Variants in LAMA5 observed in about 807,000 individuals in gnomAD.
LAMA5 encodes the protein laminin subunit alpha-5.
LAMA5 carries 260 observed loss-of-function variants against 433.4 expected under a neutral mutation model. That is an observed-to-expected ratio of 0.60 (90% confidence interval 0.54 to 0.66). The LOEUF (loss-of-function observed/expected upper bound fraction) is 0.66, where lower values mean the gene tolerates loss of function less well. Among genes scored for constraint, LAMA5 ranks in the 30% least tolerant of loss-of-function variants. The pLI, the probability that LAMA5 is intolerant of heterozygous loss-of-function variation, is 0.00. For missense variants in LAMA5, 5,378 were observed against 5,258.5 expected (o/e 1.02, Z -0.70); for synonymous variants, 2,620 against 2,226.6 (o/e 1.18, Z -4.97).
At chr20:62,363,799 TAC>T (rs1986422688) in intron 1 of LAMA5, among the ~76,000 whole-genome samples, 1 of 151,884 alleles carries the variant, frequency 6.6e-6, no homozygotes. Flanking sequence ...GCCCAGCACC[TAC>T]AGAGGGCCCA....
At chr20:62,322,607 C>T (rs1399690739) in intron 46 of LAMA5, 51 bp downstream of exon 46, 1 of 1,460,198 alleles carries the variant, frequency 6.8e-7, no homozygotes, top group Non-Finnish European at 9.3e-7. Context: ...CAGGCCCCAA[C>T]TCTAGTCCCT....
In LAMA5 at chr20:62,331,034, G is replaced by C. The variant is rs775217235; in HGVS notation, c.3648C>G (p.Asn1216Lys). Residue 1216 changes from asparagine (N) to lysine (K), a missense_variant and splice_region_variant, in exon 29 of 80, where the codon AAC becomes AAG. Coordinates refer to ENST00000252999, the MANE Select transcript of LAMA5 (RefSeq NM_005560.6). Reference protein sequence around the residue: ...CISSHGAFGPNSAACLPSRFP... With the variant: ...CISSHGAFGPKSAACLPSRFP... ...CCAGCCCCATTACCTGCCATTACCT[G>C]TTGGGGCCAAAGGCGCCGTGGCTGC... 6.3e-7 allele frequency: 1 copy of C among 1,596,068 alleles called. No homozygotes were observed. Among genetic ancestry groups the C allele is most frequent in the Admixed American group, 1.8e-5 (1 of 56,554 alleles).
At chr20:62,366,811 T>C (rs1986781805) in intron 1 of LAMA5, 138 bp downstream of exon 1, 1 of 1,179,986 alleles carries the variant, frequency 8.5e-7, no homozygotes, top group Non-Finnish European at 1.1e-6. Context: ...CGGGGTGCCT[T>C]CTTGGGCCCC....
chr20:62,351,652 G>A, intron 6 of LAMA5, 52 bp downstream of exon 6: 9 of 1,560,390 alleles, frequency 5.8e-6, no homozygotes, highest in Non-Finnish European at 7.0e-6. Flanking sequence ...GGACAGGCAG[G>A]GAGCTGGGGG....
In LAMA5 at chr20:62,318,581, C is replaced by T. The variant is rs138002973; in HGVS notation, c.7112G>A (p.Arg2371His). The change falls in exon 53 of 80, where the codon CGC (arginine) becomes CAC (histidine). Residue 2371 changes from arginine to histidine, a missense_variant. Transcript: ENST00000252999. Reference protein sequence around the residue: ...EENQALATQTRDRLAQHEAGL... With the variant: ...EENQALATQTHDRLAQHEAGL... ...GGCCTCGTGCTGGGCCAGCCGGTCG[C>T]GGGTTTGTGTGGCCAGTGCCTGGTT... The T allele has an allele frequency of 1.5e-3, 2,384 of 1,610,706 alleles. 1 individual carries two copies. The highest frequency in any genetic ancestry group is 1.8e-3 in the Non-Finnish European group (2,109 of 1,179,036).
In LAMA5 at chr20:62,312,749, T is replaced by C. The variant is rs1352066855; in HGVS notation, c.9110A>G (p.Lys3037Arg). The C allele has an allele frequency of 6.3e-7, 1 of 1,591,268 alleles. No homozygotes were observed. The highest frequency in any genetic ancestry group is 8.5e-7 in the Non-Finnish European group (1 of 1,170,508). Residue 3037 changes from lysine to arginine, a missense_variant, in exon 67 of 80, where the codon AAG (lysine) becomes AGG (arginine). Coordinates refer to ENST00000252999, the MANE Select transcript of LAMA5 (RefSeq NM_005560.6). ...IQVFLLGGSR[K>R]RVLVRVERAT... The stretch of plus-strand genomic sequence containing the variant: ...CCGCTCCACACGCACCAGCACACGC[T>C]TGCGGCTGCCCCCCAGCAGGAACAC...
In LAMA5 at chr20:62,315,966, T is replaced by C. The variant is rs970863536; in HGVS notation, c.7849A>G (p.Met2617Val). 3.7e-6 allele frequency: 6 copies of C among 1,604,342 alleles called. No individual in the cohort carries two copies. The highest frequency in any genetic ancestry group is 1.3e-5 in the African/African-American group (1 of 74,880). Residue 2617 changes from methionine (M) to valine (V), a missense_variant, in exon 58 of 80, where the codon ATG becomes GTG. Physicochemically the swap from Met to Val is conservative, Grantham distance 21 (BLOSUM62 1). Coordinates refer to ENST00000252999, the MANE Select transcript of LAMA5 (RefSeq NM_005560.6). ...LEAHIQAAQA[M>V]LAMDTDETSK... The stretch of plus-strand genomic sequence containing the variant: ...CGCATACCTGTGTCCATGGCAAGCA[T>C]GGCCTGCGCCGCCTGGATGTGCGCC...
intron 40 of LAMA5, among the ~76,000 whole-genome samples, chr20:62,326,094 C>T (rs895434755): frequency 2.6e-5 from 4 of 152,078 alleles, no homozygotes; most frequent in Admixed American, 6.6e-5. Context: ...GTGGCGGGTG[C>T]CTATAGTCCC....
chr20:62,337,445 T>A (rs1981853571), intron 16 of LAMA5, 145 bp downstream of exon 16: 1 of 1,117,204 alleles, frequency 9.0e-7, no homozygotes. Context: ...GTGAACAAGG[T>A]GCGAACACAG....
chr20:62,310,993 C>G lies in LAMA5; in HGVS notation c.10190G>C (p.Ser3397Thr). The change falls in exon 74 of 80, where the codon AGC (serine) becomes ACC (threonine). Residue 3397 changes from serine to threonine, a missense_variant. Physicochemically the swap from Ser to Thr is moderately conservative, Grantham distance 58. Transcript: ENST00000252999. The stretch of plus-strand genomic sequence containing the variant: ...CATCTGTGCAACGAAGTGGCCATTG[C>G]TCAGGAAGAGCGCCAGGGAGGGGCT... Reference protein sequence around the residue: ...PGSPSLALFLSNGHFVAQMEG... With the variant: ...PGSPSLALFLTNGHFVAQMEG... 1.2e-6 allele frequency: 2 copies of G among 1,611,174 alleles called. No individual in the cohort carries two copies. Among genetic ancestry groups the G allele is most frequent in the Middle Eastern group, 1.7e-4 (1 of 6,058 alleles).
At chr20:62,341,602 GC>G (rs1982594892) in intron 11 of LAMA5, among the ~76,000 whole-genome samples, 1 of 152,160 alleles carries the variant, frequency 6.6e-6, no homozygotes, top group South Asian at 2.1e-4. Context: ...ACTGCTTTAA[GC>G]CTTTTTGTTG....
chr20:62,319,932 G>A (rs1024709346), intron 50 of LAMA5, 137 bp from the exon 51 acceptor site: 15 of 558,618 alleles, frequency 2.7e-5, no homozygotes, highest in Non-Finnish European at 4.5e-5. Context: ...CTTATCTGAT[G>A]ACTTGTTATT....
At position 62,333,206 on chromosome 20, in the gene LAMA5, G is replaced by C; in HGVS notation, c.3166C>G (p.Pro1056Ala). ...AGGGCCTCCAGCCCGGCGGCCGAGGGGAAGCCATCCAGGGGGAGGTGTGTG... is the reference window on the plus strand; with the variant it reads ...AGGGCCTCCAGCCCGGCGGCCGAGGCGAAGCCATCCAGGGGGAGGTGTGTG... ...LYTHLPLDGF[P>A]SAAGLEALCR... The change falls in exon 26 of 80, where the codon CCC becomes GCC. Residue 1056 changes from proline (P) to alanine (A), a missense_variant. Pro to Ala is a conservative substitution (Grantham distance 27). Coordinates refer to ENST00000252999, the MANE Select transcript of LAMA5 (RefSeq NM_005560.6). The C allele has an allele frequency of 6.6e-7, 1 of 1,523,214 alleles. No homozygotes were observed. Among genetic ancestry groups the C allele is most frequent in the Non-Finnish European group, 8.8e-7 (1 of 1,135,224 alleles). 94.4% of individuals were successfully genotyped at this position (1,523,214 alleles called of 1,614,324 possible). A position where few individuals can be genotyped will look rare whatever the true frequency, so the allele number is the denominator to read the frequency against.
intron 1 of LAMA5, among the ~76,000 whole-genome samples, chr20:62,366,664 G>A (rs762890242): frequency 2.0e-5 from 3 of 152,242 alleles, no homozygotes; most frequent in Non-Finnish European, 2.9e-5. Flanking sequence ...CAGGGACTGG[G>A]CCCGGCCCCC....
intron 11 of LAMA5, among the ~76,000 whole-genome samples, chr20:62,341,316 C>T (rs2146256065): frequency 6.6e-6 from 1 of 152,280 alleles, no homozygotes; most frequent in African/African-American, 2.4e-5. Context: ...AATGAGGACA[C>T]CCCACATCTC....
intron 79 of LAMA5, 106 bp downstream of exon 79, chr20:62,309,610 A>AGGGGTGGG (rs1433788640): frequency 1.5e-5 from 5 of 337,102 alleles, no homozygotes; most frequent in Non-Finnish European, 2.4e-5. Context: ...GGGTGGGAGG[A>AGGGGTGGG]GGGTGGGAGG....
intron 11 of LAMA5, among the ~76,000 whole-genome samples, chr20:62,342,612 G>T (rs992703560): frequency 2.6e-5 from 4 of 152,118 alleles, no homozygotes; most frequent in African/African-American, 9.7e-5. Flanking sequence ...CTGGAAGGCA[G>T]AGCTTGCAGT....
chr20:62,358,601 C>T (rs116091460), intron 2 of LAMA5, among the ~76,000 whole-genome samples: 1,882 of 152,274 alleles, frequency 0.012, 39 homozygotes, highest in African/African-American at 0.043. Flanking sequence ...GCAGCCTGGG[C>T]GCGCTGGGCC....
At chr20:62,311,853 G>T in intron 70 of LAMA5, 67 bp downstream of exon 70, 2 of 1,398,654 alleles carry the variant, frequency 1.4e-6, no homozygotes, top group Non-Finnish European at 1.9e-6. Context: ...AGGAGACAGA[G>T]GTCCAGGCAA....
Sources: allele counts gnomAD v4.1 joint callset (sites outside exome capture counted in the v4.1 genomes callset), GRCh38; gene constraint gnomAD v4.1.1; transcripts MANE v1.5; gene names NCBI Gene and HGNC (gene_info 2026-07-23, HGNC 2026-07-21).